EYS: variants seen among roughly 807,000 people sequenced by gnomAD.
EYS encodes EGF-like photoreceptor maintenance factor, also known as protein eyes shut homolog.
In EYS, 250 loss-of-function variants were observed where a neutral mutation model predicts 282.1. The ratio of observed to expected loss-of-function variants is 0.89; its 90% CI spans 0.80 to 0.98. The LOEUF (loss-of-function observed/expected upper bound fraction) is 0.98. EYS is among the 50% of genes least tolerant of loss of function. The probability of loss-of-function intolerance (pLI) is 0.00; values close to 1 mark genes in which losing one functional copy is unlikely to be tolerated. For missense variants in EYS, 4,016 were observed against 3,709.0 expected (o/e 1.08, Z -2.15); for synonymous variants, 1,355 against 1,282.9 (o/e 1.06, Z -1.20).
At chr6:64,429,967 T>G (rs534750948) in intron 28 of EYS, among the ~76,000 whole-genome samples, 1 of 152,348 alleles carries the variant, frequency 6.6e-6, no homozygotes, top group South Asian at 2.1e-4. Flanking sequence ...AATGGGATAA[T>G]GTACACATTT....
At chr6:64,252,202 A>G (rs913402566) in intron 30 of EYS, among the ~76,000 whole-genome samples, 1 of 152,076 alleles carries the variant, frequency 6.6e-6, no homozygotes, top group Admixed American at 6.6e-5. Context: ...TTTAAATGTA[A>G]TATGGGCCCC....
chr6:65,044,887 T>C (rs967661945), intron 13 of EYS, among the ~76,000 whole-genome samples: 4 of 151,884 alleles, frequency 2.6e-5, no homozygotes, highest in African/African-American at 9.7e-5. Flanking sequence ...CAAATTGTCC[T>C]GTGACTCTTC....
intron 22 of EYS, among the ~76,000 whole-genome samples, chr6:64,703,520 C>A (rs1400413488): frequency 6.8e-6 from 1 of 146,920 alleles, no homozygotes; most frequent in East Asian, 2.0e-4. Flanking sequence ...GAAATCTCCA[C>A]CTCCCGGGTT....
At chr6:64,369,804 T>C (rs659099) in intron 29 of EYS, among the ~76,000 whole-genome samples, 104,243 of 151,866 alleles carry the variant, frequency 0.69, 35,807 homozygotes, top group South Asian at 0.71. Flanking sequence ...GTGAATGGGA[T>C]TGCATTCTTG....
chr6:64,950,446 C>T (rs1769447418), intron 14 of EYS, among the ~76,000 whole-genome samples: 1 of 151,448 alleles, frequency 6.6e-6, no homozygotes, highest in Admixed American at 6.6e-5. Context: ...TTTTTAGGAT[C>T]AAAAAGTCAA....
intron 18 of EYS, among the ~76,000 whole-genome samples, chr6:64,893,134 C>G (rs576912940): frequency 8.5e-5 from 13 of 152,134 alleles, no homozygotes; most frequent in African/African-American, 2.9e-4. Flanking sequence ...GTAGCAATGA[C>G]TTGAAAAGAC....
At chr6:65,302,726 G>C (rs1582118980) in intron 11 of EYS, 2 of 1,601,712 alleles carry the variant, frequency 1.2e-6, no homozygotes, top group African/African-American at 1.3e-5. Flanking sequence ...TTGTTATTGG[G>C]AAAATCAGCC....
chr6:65,195,254 AGTT>A (rs2150242348), intron 12 of EYS, among the ~76,000 whole-genome samples: 1 of 152,138 alleles, frequency 6.6e-6, no homozygotes, highest in South Asian at 2.1e-4. Flanking sequence ...GTATTAGTAG[AGTT>A]GTTTTTACAA....
chr6:64,950,063 T>C (rs1228027292), intron 14 of EYS, among the ~76,000 whole-genome samples: 2 of 151,854 alleles, frequency 1.3e-5, no homozygotes, highest in African/African-American at 4.8e-5. Flanking sequence ...ATTTAAGCCA[T>C]GTAATAAGAG....
chr6:64,871,942 G>C (rs962290826), intron 19 of EYS, among the ~76,000 whole-genome samples: 4 of 152,040 alleles, frequency 2.6e-5, no homozygotes, highest in Non-Finnish European at 4.4e-5. Context: ...CCAATGAAAA[G>C]AGCAGAAGGC....
At chr6:64,791,760 A>T (rs1774199631) in intron 22 of EYS, among the ~76,000 whole-genome samples, 1 of 151,874 alleles carries the variant, frequency 6.6e-6, no homozygotes, top group South Asian at 2.1e-4. Flanking sequence ...TAAGCTTGAG[A>T]CACATATTAA....
intron 12 of EYS, among the ~76,000 whole-genome samples, chr6:65,260,627 T>C (rs1271294209): frequency 6.6e-6 from 1 of 152,102 alleles, no homozygotes; most frequent in Non-Finnish European, 1.5e-5. Flanking sequence ...ATATTTTGCC[T>C]ATTCAATATA....
chr6:64,753,617 C>T (rs896152795), intron 22 of EYS, among the ~76,000 whole-genome samples: 3 of 150,474 alleles, frequency 2.0e-5, no homozygotes, highest in Non-Finnish European at 4.4e-5. Flanking sequence ...CAGATTCATA[C>T]AAAAAATGCT....
intron 9 of EYS, among the ~76,000 whole-genome samples, chr6:65,345,369 A>T (rs1770355305): frequency 6.6e-6 from 1 of 151,832 alleles, no homozygotes; most frequent in South Asian, 2.1e-4. Context: ...AATTAACTCA[A>T]ACAGGATTAT....
At chr6:65,537,392 G>T (rs1350795977) in intron 2 of EYS, among the ~76,000 whole-genome samples, 1 of 152,038 alleles carries the variant, frequency 6.6e-6, no homozygotes, top group Admixed American at 6.6e-5. Flanking sequence ...TCAAGTATGT[G>T]TATATGTAAA....
At chr6:64,425,435 A>G (rs1016495043) in intron 28 of EYS, among the ~76,000 whole-genome samples, 4 of 152,028 alleles carry the variant, frequency 2.6e-5, no homozygotes, top group African/African-American at 4.8e-5. Flanking sequence ...CGGGAGGATC[A>G]CCCAAGGTCA....
chr6:63,784,376 T>C (rs1282622353), intron 39 of EYS, among the ~76,000 whole-genome samples: 1 of 152,160 alleles, frequency 6.6e-6, no homozygotes, highest in African/African-American at 2.4e-5. Context: ...GAGTTAAGTA[T>C]AGAAAAAATA....
chr6:65,386,181 C>CA (rs71646067), intron 7 of EYS, among the ~76,000 whole-genome samples: 302 of 126,712 alleles, frequency 2.4e-3, no homozygotes, highest in South Asian at 9.4e-3. Flanking sequence ...TTTATTGATC[C>CA]AAAAAAAAAA....
chr6:65,270,314 C>T (rs1483841432), intron 12 of EYS, among the ~76,000 whole-genome samples: 3 of 152,164 alleles, frequency 2.0e-5, no homozygotes, highest in Non-Finnish European at 4.4e-5. Flanking sequence ...GATGCTCTTC[C>T]TTCTGATTCC....
Sources: allele counts gnomAD v4.1 joint callset (sites outside exome capture counted in the v4.1 genomes callset), GRCh38; gene constraint gnomAD v4.1.1; transcripts MANE v1.5; gene names NCBI Gene and HGNC (gene_info 2026-07-23, HGNC 2026-07-21).